PTPRD: variants seen among roughly 807,000 people sequenced by gnomAD.
PTPRD encodes the protein protein tyrosine phosphatase receptor type D, also known as receptor-type tyrosine-protein phosphatase delta.
A neutral mutation model predicts 214.5 loss-of-function variants in PTPRD; 34 were observed. The ratio of observed to expected loss-of-function variants is 0.16; its 90% CI spans 0.12 to 0.21. PTPRD has a LOEUF of 0.21. Among genes scored for constraint, PTPRD ranks in the 10% least tolerant of loss-of-function variants. PTPRD has a pLI of 1.00. For synonymous variants in PTPRD, 1,128 were observed against 845.7 expected (o/e 1.33, Z -5.79); for missense variants, 2,545 against 2,398.7 (o/e 1.06, Z -1.27).
At chr9:10,292,500 C>G (rs533327997) in intron 3 of PTPRD, among the ~76,000 whole-genome samples, 1 of 152,122 alleles carries the variant, frequency 6.6e-6, no homozygotes, top group African/African-American at 2.4e-5. Context: ...ATGATCTGTA[C>G]AGCCTAGATA....
At chr9:9,035,555 C>G (rs991500734) in intron 10 of PTPRD, among the ~76,000 whole-genome samples, 1 of 151,852 alleles carries the variant, frequency 6.6e-6, no homozygotes, top group South Asian at 2.1e-4. Flanking sequence ...TTCCCCCCAC[C>G]CCAACCCCAC....
chr9:9,340,541 C>A (rs916173182), intron 9 of PTPRD, among the ~76,000 whole-genome samples: 1 of 152,156 alleles, frequency 6.6e-6, no homozygotes, highest in Non-Finnish European at 1.5e-5. Flanking sequence ...TTAATGGGAT[C>A]TATCCCCATG....
At chr9:9,230,295 CT>C (rs2099962308) in intron 9 of PTPRD, among the ~76,000 whole-genome samples, 1 of 152,082 alleles carries the variant, frequency 6.6e-6, no homozygotes, top group African/African-American at 2.4e-5. Context: ...TAACTAAAAT[CT>C]CTTCAACAAA....
chr9:8,401,000 T>C (rs962251628), intron 36 of PTPRD, among the ~76,000 whole-genome samples: 2 of 152,190 alleles, frequency 1.3e-5, no homozygotes, highest in Admixed American at 6.5e-5. Flanking sequence ...CTTCATCTTT[T>C]GGTTTGTCCA....
chr9:10,277,209 A>AAACATAAAACATAAACATG (rs2094754858), intron 3 of PTPRD, among the ~76,000 whole-genome samples: 1 of 151,774 alleles, frequency 6.6e-6, no homozygotes, highest in Admixed American at 6.6e-5. Flanking sequence ...ACATAAACAT[A>AAACATAAAACATAAACATG]AACATACAAC....
chr9:10,115,257 T>C (rs1591543656), intron 3 of PTPRD, among the ~76,000 whole-genome samples: 1 of 152,084 alleles, frequency 6.6e-6, no homozygotes, highest in Non-Finnish European at 1.5e-5. Flanking sequence ...GCTTTCCATA[T>C]GTTTAATGTT....
chr9:8,964,450 G>C (rs2154323144), intron 11 of PTPRD, among the ~76,000 whole-genome samples: 1 of 141,930 alleles, frequency 7.0e-6, no homozygotes, highest in East Asian at 2.0e-4. Context: ...TTCTCTTTTT[G>C]TCATTGTTAA....
rs765408255 is a variant in PTPRD, at chr9:8,436,577, A to G, written c.4086+15T>C. Reference sequence around the variant, plus strand: ...ACTCTTGAAATTACTGTAAAGAATAAACACAGTGAATTACCTCATATTCCT... The same window carrying G: ...ACTCTTGAAATTACTGTAAAGAATAGACACAGTGAATTACCTCATATTCCT... On this transcript the variant is annotated intron_variant, in intron 35 of 45. Coordinates refer to ENST00000381196, the MANE Select transcript of PTPRD (RefSeq NM_002839.4). The G allele has an allele frequency of 3.2e-6, 5 of 1,579,224 alleles. No homozygotes were observed. The South Asian group carries it at 5.5e-5, about 18-fold the overall frequency.
chr9:9,665,368 A>G (rs970105135), intron 7 of PTPRD, among the ~76,000 whole-genome samples: 3 of 151,866 alleles, frequency 2.0e-5, no homozygotes, highest in African/African-American at 7.2e-5. Flanking sequence ...AGATTGCATC[A>G]GAGTATTTTT....
At chr9:8,627,990 T>G (rs1274456864) in intron 14 of PTPRD, among the ~76,000 whole-genome samples, 1 of 151,930 alleles carries the variant, frequency 6.6e-6, no homozygotes, top group Non-Finnish European at 1.5e-5. Context: ...AACTATTTTA[T>G]AAGCCTTTTC....
intron 9 of PTPRD, among the ~76,000 whole-genome samples, chr9:9,357,682 T>G (rs2054332618): frequency 6.7e-6 from 1 of 149,554 alleles, no homozygotes; most frequent in South Asian, 2.1e-4. Context: ...AATTATTAAA[T>G]CAGAGGATGT....
In PTPRD at chr9:9,902,067, A is replaced by G. The variant is rs908456007; in HGVS notation, c.-368+36440T>C. 3.9e-5 allele frequency among the ~76,000 whole-genome samples: 6 copies of G among 152,170 alleles called. 1 individual carries two copies. The highest frequency in any genetic ancestry group is 1.4e-4 in the African/African-American group (6 of 41,448). On this transcript the variant is annotated intron_variant, in intron 5 of 45. Transcript: ENST00000381196. ...TAGCTAATAGGTCTGGTAAATACCT[A>G]TTGGCTGCTTCTACTCTTACCAACT...
intron 5 of PTPRD, among the ~76,000 whole-genome samples, chr9:9,834,444 T>C (rs1410099309): frequency 6.6e-6 from 1 of 152,064 alleles, no homozygotes; most frequent in Non-Finnish European, 1.5e-5. Context: ...TGAAAGTTTA[T>C]AGTGGTCAGG....
At chr9:10,436,589 TTACACACACACATA>T (rs1285805916) in intron 2 of PTPRD, among the ~76,000 whole-genome samples, 3 of 151,448 alleles carry the variant, frequency 2.0e-5, no homozygotes, top group African/African-American at 4.8e-5. Flanking sequence ...AATCTTTTCC[TTACACACACACATA>T]TACACACACA....
At chr9:9,924,090 A>T (rs2083448480) in intron 5 of PTPRD, among the ~76,000 whole-genome samples, 2 of 152,070 alleles carry the variant, frequency 1.3e-5, no homozygotes, top group African/African-American at 2.4e-5. Flanking sequence ...CCTAGAGAAT[A>T]ATATTTATGT....
At chr9:10,031,794 G>A (rs1163889183) in intron 4 of PTPRD, among the ~76,000 whole-genome samples, 1 of 151,310 alleles carries the variant, frequency 6.6e-6, no homozygotes, top group Non-Finnish European at 1.5e-5. Flanking sequence ...TCAAAGGAAT[G>A]ATGTAGACAC....
At chr9:9,626,416 A>G (rs2095427293) in intron 7 of PTPRD, among the ~76,000 whole-genome samples, 1 of 152,216 alleles carries the variant, frequency 6.6e-6, no homozygotes, top group African/African-American at 2.4e-5. Context: ...TTTGTAGTAA[A>G]GAAAGGCCAT....
chr9:9,479,655 G>A (rs935318780), intron 8 of PTPRD, among the ~76,000 whole-genome samples: 3 of 151,982 alleles, frequency 2.0e-5, no homozygotes, highest in Admixed American at 2.0e-4. Context: ...GAAATTATTT[G>A]ATTGATAATA....
chr9:9,228,840 A>T (rs1433479179), intron 9 of PTPRD, among the ~76,000 whole-genome samples: 1 of 152,118 alleles, frequency 6.6e-6, no homozygotes, highest in African/African-American at 2.4e-5. Context: ...ACTTACTCCT[A>T]CATTACAAAT....
Sources: allele counts gnomAD v4.1 joint callset (sites outside exome capture counted in the v4.1 genomes callset), GRCh38; gene constraint gnomAD v4.1.1; transcripts MANE v1.5; gene names NCBI Gene and HGNC (gene_info 2026-07-23, HGNC 2026-07-21).